Variants in SERPINB12 observed in about 807,000 individuals in gnomAD.
SERPINB12 encodes serpin B12.
SERPINB12 carries 57 observed loss-of-function variants against 41.1 expected under a neutral mutation model. The observed-to-expected ratio is 1.39, with a 90% CI of 1.12 to 1.73. SERPINB12 has a LOEUF of 1.73. Ranked by LOEUF, SERPINB12 falls within the 40% of genes most tolerant of loss-of-function variation. SERPINB12 has a pLI of 0.00. For synonymous variants in SERPINB12, 180 were observed against 181.3 expected, an observed-to-expected ratio of 0.99 and a Z score of 0.06; for missense variants, 536 against 501.9, an observed-to-expected ratio of 1.07 and a Z score of -0.65.
At position 63,568,147 on chromosome 18, in the gene SERPINB12, G is replaced by A. The variant is rs980763908; in HGVS notation, c.*1136G>A. ...CAATCCCAGCACTTCTTGGGAGGCC[G>A]AGTCAGGTGGATCACTTGAGTCCAG... is the stretch of plus-strand genomic sequence containing the variant. On this transcript the variant is annotated 3_prime_UTR_variant, in exon 8 of 8. Transcript: ENST00000382768. 1.3e-5 allele frequency among the ~76,000 whole-genome samples: 2 copies of A among 152,204 alleles called. No homozygotes were observed. The highest frequency in any genetic ancestry group is 2.4e-5 in the African/African-American group (1 of 41,456).
At chr18:63,552,351 CAATT>C (rs1910554618) in intron 1 of SERPINB12, among the ~76,000 whole-genome samples, 1 of 152,110 alleles carries the variant, frequency 6.6e-6, no homozygotes, top group Non-Finnish European at 1.5e-5. Flanking sequence ...GAGAACAAGA[CAATT>C]AATCTTAAAT....
the SERPINB12 span, among the ~76,000 whole-genome samples, chr18:63,536,964 C>T: frequency 2.6e-5 from 4 of 151,968 alleles, no homozygotes; most frequent in Non-Finnish European, 5.9e-5. Flanking sequence ...CCCTACCTCA[C>T]ATCGTAGACC....
chr18:63,566,280 A>G (rs1173656967), intron 7 of SERPINB12, among the ~76,000 whole-genome samples: 1 of 152,236 alleles, frequency 6.6e-6, no homozygotes, highest in East Asian at 1.9e-4. Flanking sequence ...TAATCATATT[A>G]TCTCTCTTTT....
At chr18:63,532,981 C>T in the SERPINB12 span, among the ~76,000 whole-genome samples, 1 of 151,814 alleles carries the variant, frequency 6.6e-6, no homozygotes, top group Admixed American at 6.6e-5. Flanking sequence ...TTTCATGTTT[C>T]TTCTTCTTTT....
chr18:63,535,022 A>C, the SERPINB12 span, among the ~76,000 whole-genome samples: 8,572 of 152,286 alleles, frequency 0.056, 284 homozygotes, highest in South Asian at 0.12. Flanking sequence ...GGAAAGCAAA[A>C]TATAGACAAA....
At chr18:63,558,599 T>C in intron 3 of SERPINB12, 113 bp downstream of exon 3, 2 of 1,153,134 alleles carry the variant, frequency 1.7e-6, no homozygotes, top group Non-Finnish European at 1.2e-6. Flanking sequence ...CTGGATACCA[T>C]CAACAGCAAT....
At position 63,542,449 on chromosome 18, in the gene SERPINB12, C is replaced by T; in HGVS notation, c.-62C>T. 6.6e-6 allele frequency among the ~76,000 whole-genome samples: 1 copy of T among 152,142 alleles called. No individual in the cohort carries two copies. The highest frequency in any genetic ancestry group is 1.9e-4 in the East Asian group (1 of 5,190). On this transcript the variant is annotated 5_prime_UTR_variant, in exon 1 of 8. Coordinates refer to ENST00000382768, the MANE Select transcript of SERPINB12 (RefSeq NM_001307928.2). ...AGATTGATTTTTGAATTGACTTTATCAGAGCACAGACCTTAGCTGGGGACA... is the reference window on the plus strand; with the variant it reads ...AGATTGATTTTTGAATTGACTTTATTAGAGCACAGACCTTAGCTGGGGACA...
At chr18:63,528,125 C>T in the SERPINB12 span, among the ~76,000 whole-genome samples, 3 of 152,018 alleles carry the variant, frequency 2.0e-5, no homozygotes, top group Non-Finnish European at 2.9e-5. Flanking sequence ...TAAATTACCC[C>T]ATCTTGGGTA....
chr18:63,552,541 G>A (rs1327754528), intron 1 of SERPINB12, among the ~76,000 whole-genome samples: 1 of 152,092 alleles, frequency 6.6e-6, no homozygotes, highest in Non-Finnish European at 1.5e-5. Flanking sequence ...AAATCTTAAT[G>A]AGTGCTTCCT....
In SERPINB12 at chr18:63,566,893, T is replaced by C; in HGVS notation, c.1160T>C (p.Val387Ala). The C allele has an allele frequency of 6.2e-7, 1 of 1,614,224 alleles. No homozygotes were observed. ...TQAAAATGAV[V>A]SERSLRSWVE... ...GCAGCTGCAGCCACTGGGGCTGTTG[T>C]CTCGGAAAGGTCACTACGATCTTGG... Residue 387 changes from valine (V) to alanine (A), a missense_variant, in exon 8 of 8, where the codon GTC (valine) becomes GCC (alanine). Val to Ala is a moderately conservative substitution (Grantham distance 64). Coordinates refer to ENST00000382768, the MANE Select transcript of SERPINB12 (RefSeq NM_001307928.2).
In SERPINB12 at chr18:63,565,438, A is replaced by G; in HGVS notation, c.706-7A>G. 1.2e-6 allele frequency: 2 copies of G among 1,611,808 alleles called. No homozygotes were observed. Among genetic ancestry groups the G allele is most frequent in the Non-Finnish European group, 1.7e-6 (2 of 1,179,010 alleles). On this transcript the variant is annotated splice_region_variant and splice_polypyrimidine_tract_variant and intron_variant, in intron 6 of 7. Coordinates refer to ENST00000382768, the MANE Select transcript of SERPINB12 (RefSeq NM_001307928.2). ...CGTCCTGTGACCTCCTACCTTGACTACTACAGAATGAAAACAAGAGTGTGA... is the reference window on the plus strand; with the variant it reads ...CGTCCTGTGACCTCCTACCTTGACTGCTACAGAATGAAAACAAGAGTGTGA...
chr18:63,553,245 A>G (rs939794255), intron 1 of SERPINB12, among the ~76,000 whole-genome samples: 3 of 152,206 alleles, frequency 2.0e-5, no homozygotes, highest in Admixed American at 2.0e-4. Flanking sequence ...TTAGAATGGA[A>G]TGGAATGTGA....
At chr18:63,551,887 G>A (rs1910539795) in intron 1 of SERPINB12, among the ~76,000 whole-genome samples, 1 of 152,166 alleles carries the variant, frequency 6.6e-6, no homozygotes, top group African/African-American at 2.4e-5. Flanking sequence ...TTATTGAAAT[G>A]CCAGGGATTT....
the SERPINB12 span, among the ~76,000 whole-genome samples, chr18:63,534,193 C>T: frequency 2.0e-5 from 3 of 152,240 alleles, no homozygotes; most frequent in South Asian, 2.1e-4. Context: ...GCTTCACTGA[C>T]AGTCTTAGAA....
At chr18:63,531,113 A>G in the SERPINB12 span, among the ~76,000 whole-genome samples, 11 of 152,330 alleles carry the variant, frequency 7.2e-5, no homozygotes, top group African/African-American at 2.6e-4. Context: ...TTAAATGTGC[A>G]GGAGTTTGCC....
chr18:63,559,521 T>C (rs1910827120), intron 3 of SERPINB12, 57 bp from the exon 4 acceptor site: 2 of 1,570,752 alleles, frequency 1.3e-6, no homozygotes, highest in Non-Finnish European at 1.7e-6. Context: ...CTTTTAGCGG[T>C]GTTTAGCTCT....
chr18:63,566,723 C>T lies in SERPINB12; in HGVS notation c.990C>T (p.Leu330=). ...PRFTLEDSYD[L]NSILQDMGIT... ...TCACCCTGGAAGACAGCTATGATCTCAATTCCATTTTACAAGACATGGGCA... is the reference window on the plus strand; with the variant it reads ...TCACCCTGGAAGACAGCTATGATCTTAATTCCATTTTACAAGACATGGGCA... Residue 330 remains leucine (L), a synonymous_variant, in exon 8 of 8, where the codon CTC becomes CTT. Coordinates refer to ENST00000382768, the MANE Select transcript of SERPINB12 (RefSeq NM_001307928.2). The T allele has an allele frequency of 6.2e-7, 1 of 1,614,168 alleles. No homozygotes were observed. Among genetic ancestry groups the T allele is most frequent in the South Asian group, 1.1e-5 (1 of 91,076 alleles).
intron 1 of SERPINB12, among the ~76,000 whole-genome samples, chr18:63,543,439 T>C (rs79820813): frequency 0.05 from 7,644 of 152,226 alleles, 633 homozygotes; most frequent in African/African-American, 0.17. Context: ...TTGATGTATA[T>C]GCAGTGCCTG....
chr18:63,530,264 T>G, the SERPINB12 span, among the ~76,000 whole-genome samples: 1 of 152,186 alleles, frequency 6.6e-6, no homozygotes, highest in African/African-American at 2.4e-5. Context: ...GGGTGGGAGA[T>G]GTCTTTGCCC....
Sources: gnomAD v4.1 joint callset for allele counts (sites outside exome capture counted in the v4.1 genomes callset) on GRCh38, gnomAD v4.1.1 for gene constraint, MANE v1.5 for transcripts, NCBI Gene and HGNC (gene_info 2026-07-23, HGNC 2026-07-21) for gene names.